The following GPC5 variants were observed in gnomAD, a reference collection of about 807,000 sequenced individuals.
The protein encoded by GPC5 is glypican 5, also known as glypican-5.
In GPC5, 47 loss-of-function variants were observed where a neutral mutation model predicts 53.9. That is an observed-to-expected ratio of 0.87 (90% confidence interval 0.69 to 1.11). The LOEUF (loss-of-function observed/expected upper bound fraction) is 1.11. Ranked by LOEUF, GPC5 falls within the 50% of genes most tolerant of loss-of-function variation. The probability of loss-of-function intolerance (pLI) is 0.00; values close to 1 mark genes in which losing one functional copy is unlikely to be tolerated. For missense variants in GPC5, 748 were observed against 713.1 expected (o/e 1.05, Z -0.56); for synonymous variants, 286 against 263.3 (o/e 1.09, Z -0.84).
intron 5 of GPC5, among the ~76,000 whole-genome samples, chr13:91,903,328 G>A (rs962752474): frequency 1.3e-5 from 2 of 151,912 alleles, no homozygotes; most frequent in Non-Finnish European, 2.9e-5. Flanking sequence ...TCCAGTTTGT[G>A]GTTATTTTGA....
intron 2 of GPC5, among the ~76,000 whole-genome samples, chr13:91,590,652 T>G (rs1489241762): frequency 6.6e-6 from 1 of 152,194 alleles, no homozygotes; most frequent in Non-Finnish European, 1.5e-5. Flanking sequence ...GAACATTGAA[T>G]GTATGAATTT....
chr13:92,566,774 C>T lies in GPC5; in HGVS notation c.1562-299508C>T, dbSNP rs113215135. On this transcript the variant is annotated intron_variant, in intron 7 of 7. Coordinates refer to ENST00000377067, the MANE Select transcript of GPC5 (RefSeq NM_004466.6). ...ATTGATGCATTTTGATCCCACCTTCCAATTCCCAATCAGAGAGGCCAAACT... is the reference window on the plus strand; with the variant it reads ...ATTGATGCATTTTGATCCCACCTTCTAATTCCCAATCAGAGAGGCCAAACT... 1.3e-3 allele frequency among the ~76,000 whole-genome samples: 199 copies of T among 152,104 alleles called. 1 individual carries two copies. The highest frequency in any genetic ancestry group is 2.1e-3 in the Non-Finnish European group (142 of 67,978).
At chr13:92,101,600 T>C (rs397954564) in intron 6 of GPC5, among the ~76,000 whole-genome samples, 2 of 152,088 alleles carry the variant, frequency 1.3e-5, no homozygotes, top group Non-Finnish European at 2.9e-5. Flanking sequence ...GATGAAAGAA[T>C]TTAAACATGA....
At chr13:91,652,329 T>C (rs2034734201) in intron 2 of GPC5, among the ~76,000 whole-genome samples, 1 of 152,236 alleles carries the variant, frequency 6.6e-6, no homozygotes, top group South Asian at 2.1e-4. Context: ...ATTCTCACTG[T>C]AGATCTTAGC....
chr13:92,049,102 T>C lies in GPC5; in HGVS notation c.1402-95728T>C, dbSNP rs140518263. On this transcript the variant is annotated intron_variant, in intron 6 of 7. Coordinates refer to ENST00000377067, the MANE Select transcript of GPC5 (RefSeq NM_004466.6). The stretch of plus-strand genomic sequence containing the variant: ...CTAAAATAAATGAGTCACAGAAAAG[T>C]CACGGAGGGATAGCTTATTAATAAT... Among the ~76,000 whole-genome samples the C allele has an allele frequency of 4.5e-3, 678 of 152,284 alleles. 5 individuals carry two copies. The highest frequency in any genetic ancestry group is 0.016 in the African/African-American group (656 of 41,560).
chr13:91,633,604 C>T (rs974711704), intron 2 of GPC5, among the ~76,000 whole-genome samples: 1 of 152,040 alleles, frequency 6.6e-6, no homozygotes, highest in African/African-American at 2.4e-5. Flanking sequence ...CTGAAAAAAT[C>T]CAGTTTAACC....
At chr13:91,916,995 A>G (rs564019341) in intron 6 of GPC5, among the ~76,000 whole-genome samples, 20 of 152,306 alleles carry the variant, frequency 1.3e-4, no homozygotes, top group African/African-American at 4.6e-4. Flanking sequence ...AAGTCCTCAC[A>G]TTTCAAAACA....
chr13:92,762,527 A>G (rs1262629517), intron 7 of GPC5, among the ~76,000 whole-genome samples: 1 of 152,174 alleles, frequency 6.6e-6, no homozygotes, highest in East Asian at 1.9e-4. Context: ...TTTGATTTTG[A>G]CAATTTAATT....
intron 6 of GPC5, among the ~76,000 whole-genome samples, chr13:91,924,859 G>A (rs1337449763): frequency 6.8e-6 from 1 of 147,924 alleles, no homozygotes; most frequent in Non-Finnish European, 1.5e-5. Flanking sequence ...TTGAGGCAGT[G>A]TCTTGCTGTC....
intron 7 of GPC5, among the ~76,000 whole-genome samples, chr13:92,218,723 A>T (rs1360382354): frequency 6.6e-6 from 1 of 152,214 alleles, no homozygotes; most frequent in Non-Finnish European, 1.5e-5. Flanking sequence ...AGCTTTCCCG[A>T]AATTGTAGAT....
At chr13:92,380,638 C>T (rs1229948055) in intron 7 of GPC5, among the ~76,000 whole-genome samples, 3 of 151,554 alleles carry the variant, frequency 2.0e-5, no homozygotes, top group African/African-American at 2.4e-5. Flanking sequence ...TTTGTAGGGA[C>T]GTGGATGAAA....
chr13:92,416,884 C>G (rs1409804171), intron 7 of GPC5, among the ~76,000 whole-genome samples: 1 of 151,646 alleles, frequency 6.6e-6, no homozygotes, highest in Non-Finnish European at 1.5e-5. Flanking sequence ...AGAAAATAAC[C>G]CATTTAAAAT....
intron 7 of GPC5, among the ~76,000 whole-genome samples, chr13:92,434,064 G>T (rs1877203189): frequency 6.6e-6 from 1 of 152,192 alleles, no homozygotes; most frequent in Admixed American, 6.5e-5. Flanking sequence ...GCACCACTAT[G>T]CTGTAGTCCC....
Position 91,421,523 on chromosome 13 carries a change from G to A in GPC5, c.163+22314G>A, listed in dbSNP as rs191809076. Among the ~76,000 whole-genome samples the A allele has an allele frequency of 1.9e-3, 288 of 152,186 alleles. 3 individuals carry two copies. Among genetic ancestry groups the A allele is most frequent in the African/African-American group, 6.6e-3 (275 of 41,518 alleles). On this transcript the variant is annotated intron_variant, in intron 1 of 7. Transcript: ENST00000377067. ...TGATGATAAAAGTGAATAAAGGAAT[G>A]CAACAACAAAAAAATCCTTTGTTGA...
chr13:91,878,818 C>T (rs2039232669), intron 5 of GPC5, among the ~76,000 whole-genome samples: 3 of 152,076 alleles, frequency 2.0e-5, no homozygotes, highest in South Asian at 2.1e-4. Flanking sequence ...TATAAATTAC[C>T]CAGTCTTGGG....
intron 7 of GPC5, among the ~76,000 whole-genome samples, chr13:92,829,429 C>A (rs887287202): frequency 2.6e-5 from 4 of 152,118 alleles, no homozygotes; most frequent in African/African-American, 9.7e-5. Flanking sequence ...ATTAAAGATT[C>A]ATTTACTGTT....
chr13:92,864,095 C>T (rs1879269841), intron 7 of GPC5, among the ~76,000 whole-genome samples: 1 of 152,048 alleles, frequency 6.6e-6, no homozygotes, highest in Admixed American at 6.6e-5. Flanking sequence ...ATAATCATTG[C>T]ATCAAATATT....
At chr13:92,315,804 TTAAAC>T (rs1352759254) in intron 7 of GPC5, among the ~76,000 whole-genome samples, 1 of 152,202 alleles carries the variant, frequency 6.6e-6, no homozygotes, top group Non-Finnish European at 1.5e-5. Context: ...TTGCTGTACT[TTAAAC>T]AAAGTAAAAT....
At chr13:92,272,718 C>T (rs1476759525) in intron 7 of GPC5, among the ~76,000 whole-genome samples, 2 of 151,998 alleles carry the variant, frequency 1.3e-5, no homozygotes, top group East Asian at 1.9e-4. Context: ...TTGTTGACAA[C>T]GAGAAAAGTA....
Sources: gnomAD v4.1 joint callset for allele counts (sites outside exome capture counted in the v4.1 genomes callset) on GRCh38, gnomAD v4.1.1 for gene constraint, MANE v1.5 for transcripts, NCBI Gene and HGNC (gene_info 2026-07-23, HGNC 2026-07-21) for gene names.